Variants in FRMPD2 observed in about 807,000 individuals in gnomAD.
FRMPD2 encodes FERM and PDZ domain containing 2.
In FRMPD2, 96 loss-of-function variants were observed where a neutral mutation model predicts 140.1. That is an observed-to-expected ratio of 0.69 (90% CI 0.58 to 0.81). The LOEUF is 0.81. Ranked by LOEUF, FRMPD2 falls within the 40% of genes least tolerant of loss-of-function variation. The probability of loss-of-function intolerance (pLI) is 0.00; values close to 1 mark genes in which losing one functional copy is unlikely to be tolerated. For missense variants in FRMPD2, 1,240 were observed against 1,447.4 expected, an observed-to-expected ratio of 0.86 and a Z score of 2.32; for synonymous variants, 449 against 547.6, an observed-to-expected ratio of 0.82 and a Z score of 2.52.
chr10:48,253,902 G>T (rs1476435493), intron 1 of FRMPD2, among the ~76,000 whole-genome samples: 2 of 152,084 alleles, frequency 1.3e-5, no homozygotes, highest in African/African-American at 4.8e-5. Context: ...AACTGATCGG[G>T]TTTGCCAATC....
chr10:48,170,468 G>C (rs1838210629), intron 26 of FRMPD2, among the ~76,000 whole-genome samples: 1 of 152,082 alleles, frequency 6.6e-6, no homozygotes, highest in Non-Finnish European at 1.5e-5. Flanking sequence ...ATGCTCCCTT[G>C]AGCTTCCTAA....
In FRMPD2 at chr10:48,237,996, T is replaced by C; in HGVS notation, c.916A>G (p.Ser306Gly). 1 of 1,614,206 alleles carries C rather than the reference T, an allele frequency of 6.2e-7. No individual in the cohort carries two copies. Among genetic ancestry groups the C allele is most frequent in the Non-Finnish European group, 8.5e-7 (1 of 1,180,036 alleles). The change falls in exon 8 of 29, where the codon AGC becomes GGC. Residue 306 changes from serine to glycine, a missense_variant. Coordinates refer to ENST00000374201, the MANE Select transcript of FRMPD2 (RefSeq NM_001018071.4). ...PSQRGFLQRR[S>G]KFSRPEFILL... ...TTCAGCCTTATTTTGCTTACCTTGC[T>C]CCTTCTTTGCAGAAAACCCCTCTGA... is the stretch of plus-strand genomic sequence containing the variant.
chr10:48,205,198 A>G (rs1372944545), intron 14 of FRMPD2, among the ~76,000 whole-genome samples: 2 of 152,218 alleles, frequency 1.3e-5, no homozygotes, highest in African/African-American at 2.4e-5. Context: ...CTGTTCCTTA[A>G]AAATAAGTTA....
In FRMPD2 at chr10:48,207,367, A is replaced by C. The variant is rs114251242; in HGVS notation, c.1612-434T>G. Among the ~76,000 whole-genome samples, 868 of 152,238 alleles carry C rather than the reference A, an allele frequency of 5.7e-3. 8 individuals are homozygous for C. Among genetic ancestry groups the C allele is most frequent in the African/African-American group, 0.02 (822 of 41,526 alleles). On this transcript the variant is annotated intron_variant, in intron 13 of 28. Coordinates refer to ENST00000374201, the MANE Select transcript of FRMPD2 (RefSeq NM_001018071.4). ...CAATCCCTTTACGTGACAGATAGAAAAACTGAGGCTAAGGCACAGAAAGTG... is the reference window on the plus strand; with the variant it reads ...CAATCCCTTTACGTGACAGATAGAACAACTGAGGCTAAGGCACAGAAAGTG...
chr10:48,242,085 T>C, intron 5 of FRMPD2, 76 bp downstream of exon 5: 1 of 1,019,636 alleles, frequency 9.8e-7, no homozygotes, highest in Non-Finnish European at 1.4e-6. Context: ...TAGTTAATGA[T>C]AATATAACTA....
At position 48,240,271 on chromosome 10, in the gene FRMPD2, A is replaced by G. The variant is rs150102078; in HGVS notation, c.700+89T>C. 447 of 1,419,192 alleles carry G rather than the reference A, an allele frequency of 3.1e-4. 4 individuals are homozygous for G. In the Middle Eastern group the frequency reaches 6.0e-3, roughly 19 times the overall value. The allele number at this position is 1,419,192 out of a possible 1,614,324, so 87.9% of individuals were successfully genotyped here. On this transcript the variant is annotated intron_variant, in intron 6 of 28. Coordinates refer to ENST00000374201, the MANE Select transcript of FRMPD2 (RefSeq NM_001018071.4). ...ACTTACATAGGCTTTCTCTGCCATC[A>G]CAATGTGGATGTGTAGCCCATACAG... is the stretch of plus-strand genomic sequence containing the variant.
chr10:48,251,473 ATT>A lies in FRMPD2; in HGVS notation c.151+91_151+92del. On this transcript the variant is annotated intron_variant, in intron 2 of 28. Coordinates refer to ENST00000374201, the MANE Select transcript of FRMPD2 (RefSeq NM_001018071.4). ...CCTTGTTCTGTGCTCTCAGAGGTTG[ATT>A]TAAAAAAGCAGCAGCAGCCAGAACT... The A allele has an allele frequency of 3.3e-6, 5 of 1,516,746 alleles. No homozygotes were observed. The African/African-American group carries it at 5.6e-5, about 17-fold the overall frequency. 94.0% of individuals were successfully genotyped at this position (1,516,746 alleles called of 1,614,324 possible). A position where few individuals can be genotyped will look rare whatever the true frequency, so the allele number is the denominator to read the frequency against.
At chr10:48,245,577 T>A (rs545195297) in intron 3 of FRMPD2, among the ~76,000 whole-genome samples, 4 of 152,236 alleles carry the variant, frequency 2.6e-5, no homozygotes, top group Non-Finnish European at 5.9e-5. Context: ...ATATTAACTA[T>A]TATTATTGTT....
intron 12 of FRMPD2, among the ~76,000 whole-genome samples, chr10:48,217,044 C>G (rs1435195126): frequency 6.6e-6 from 1 of 152,182 alleles, no homozygotes; most frequent in Non-Finnish European, 1.5e-5. Flanking sequence ...GGGGCAGTGT[C>G]AGGGGCAGAA....
At chr10:48,233,471 G>A (rs567443605) in intron 9 of FRMPD2, among the ~76,000 whole-genome samples, 82 of 152,314 alleles carry the variant, frequency 5.4e-4, no homozygotes, top group African/African-American at 2.0e-3. Context: ...GGAAGGCTGG[G>A]AGGCAGGTCT....
At chr10:48,262,356 G>C (rs1840606479) in intron 1 of FRMPD2, among the ~76,000 whole-genome samples, 1 of 152,164 alleles carries the variant, frequency 6.6e-6, no homozygotes, top group South Asian at 2.1e-4. Context: ...CTTAACTTCA[G>C]ACAAAGCAGA....
intron 5 of FRMPD2, among the ~76,000 whole-genome samples, chr10:48,241,781 C>A (rs1218234876): frequency 1.3e-5 from 2 of 152,136 alleles, no homozygotes; most frequent in Non-Finnish European, 1.5e-5. Flanking sequence ...AAAACGAAGT[C>A]GGGGAAGGCT....
At chr10:48,185,768 G>T (rs1838669939) in intron 17 of FRMPD2, 123 bp from the exon 18 acceptor site, 2 of 715,072 alleles carry the variant, frequency 2.8e-6, no homozygotes, top group East Asian at 2.6e-5. Context: ...ACACAATCCT[G>T]AAAACAAAAG....
At chr10:48,197,815 G>T (rs1256447288) in intron 15 of FRMPD2, among the ~76,000 whole-genome samples, 2 of 152,208 alleles carry the variant, frequency 1.3e-5, no homozygotes, top group Non-Finnish European at 2.9e-5. Flanking sequence ...AAAGGCCATA[G>T]TACAGGCACT....
chr10:48,209,238 A>G (rs920962893), intron 13 of FRMPD2, among the ~76,000 whole-genome samples: 2 of 152,254 alleles, frequency 1.3e-5, no homozygotes, highest in Non-Finnish European at 2.9e-5. Flanking sequence ...TATGATTTCA[A>G]TAGCAAGAAA....
At chr10:48,267,937 A>G (rs1840706343) in intron 1 of FRMPD2, among the ~76,000 whole-genome samples, 1 of 152,254 alleles carries the variant, frequency 6.6e-6, no homozygotes, top group African/African-American at 2.4e-5. Flanking sequence ...AAATATCCAG[A>G]ATAAACAAAT....
chr10:48,160,857 C>T (rs1837918505), intron 28 of FRMPD2, among the ~76,000 whole-genome samples: 2 of 149,606 alleles, frequency 1.3e-5, no homozygotes, highest in Admixed American at 6.6e-5. Flanking sequence ...TGGGCATGCG[C>T]CCCTCTTTTC....
At chr10:48,198,695 T>C (rs1464708748) in intron 15 of FRMPD2, among the ~76,000 whole-genome samples, 1 of 152,270 alleles carries the variant, frequency 6.6e-6, no homozygotes, top group Non-Finnish European at 1.5e-5. Flanking sequence ...CAACATTGAT[T>C]CTTCCAATCC....
chr10:48,214,805 G>A (rs573501236), intron 12 of FRMPD2, among the ~76,000 whole-genome samples: 1 of 152,176 alleles, frequency 6.6e-6, no homozygotes, highest in East Asian at 1.9e-4. Context: ...GGTGCTACTG[G>A]GTGAATACCC....
Sources: gnomAD v4.1 joint callset for allele counts (sites outside exome capture counted in the v4.1 genomes callset) on GRCh38, gnomAD v4.1.1 for gene constraint, MANE v1.5 for transcripts, NCBI Gene and HGNC (gene_info 2026-07-23, HGNC 2026-07-21) for gene names.